The following TMEM232 variants were observed in gnomAD, a reference collection of about 807,000 sequenced individuals.
TMEM232 encodes transmembrane protein 232.
TMEM232 carries 80 observed loss-of-function variants against 78.8 expected under a neutral mutation model. The observed-to-expected ratio is 1.01, with a 90% CI of 0.85 to 1.22. TMEM232 has a LOEUF of 1.22. Ranked by LOEUF, TMEM232 falls within the 50% of genes most tolerant of loss-of-function variation. TMEM232 has a pLI of 0.00. For synonymous variants in TMEM232, 297 were observed against 254.3 expected, an observed-to-expected ratio of 1.17 and a Z score of -1.60; for missense variants, 881 against 742.2, an observed-to-expected ratio of 1.19 and a Z score of -2.17.
chr5:110,529,349 G>T (rs577439137), intron 11 of TMEM232, among the ~76,000 whole-genome samples: 2 of 151,966 alleles, frequency 1.3e-5, no homozygotes, highest in South Asian at 4.1e-4. Context: ...GGGTTCAACC[G>T]ATTCTCCTGC....
chr5:110,591,518 T>C (rs917765028), intron 10 of TMEM232, among the ~76,000 whole-genome samples: 7 of 152,176 alleles, frequency 4.6e-5, no homozygotes, highest in African/African-American at 1.7e-4. Flanking sequence ...TATAATAATA[T>C]TAAACTACAT....
intron 12 of TMEM232, among the ~76,000 whole-genome samples, chr5:110,464,212 G>T (rs557838054): frequency 6.6e-6 from 1 of 152,228 alleles, no homozygotes; most frequent in African/African-American, 2.4e-5. Flanking sequence ...AGAGGTGTCT[G>T]TTCTTTATCA....
chr5:110,553,891 T>C (rs571972637), intron 11 of TMEM232, among the ~76,000 whole-genome samples: 1 of 152,304 alleles, frequency 6.6e-6, no homozygotes, highest in East Asian at 1.9e-4. Flanking sequence ...TGTGCTTCAA[T>C]TCCTTGTTTG....
chr5:110,516,247 CA>C (rs914885805), intron 12 of TMEM232, among the ~76,000 whole-genome samples: 3 of 149,386 alleles, frequency 2.0e-5, no homozygotes, highest in African/African-American at 4.9e-5. Context: ...CCCCGCAGCC[CA>C]AAAAAAAAAT....
rs182833281 is a variant in TMEM232, at chr5:110,672,218, A to T, written c.-12-4854T>A. Among the ~76,000 whole-genome samples the T allele has an allele frequency of 8.4e-4, 128 of 152,276 alleles. 1 individual carries two copies. The highest frequency in any genetic ancestry group is 3.0e-3 in the African/African-American group (126 of 41,564). ...AGACTATTTTAAACATTATCTTTTA[A>T]TCACTGAACTTATTGTCCAAAGATT... On this transcript the variant is annotated intron_variant, in intron 1 of 13. Coordinates refer to ENST00000455884, the MANE Select transcript of TMEM232 (RefSeq NM_001039763.4).
intron 12 of TMEM232, among the ~76,000 whole-genome samples, chr5:110,497,974 G>A (rs1423056827): frequency 6.6e-6 from 1 of 152,080 alleles, no homozygotes; most frequent in Non-Finnish European, 1.5e-5. Flanking sequence ...GGTCGTACAA[G>A]ACAAAGTGGA....
chr5:110,647,097 G>A (rs898796805), intron 2 of TMEM232, among the ~76,000 whole-genome samples: 8 of 151,880 alleles, frequency 5.3e-5, no homozygotes, highest in African/African-American at 1.9e-4. Context: ...CTACACGAAA[G>A]TGCACTATCA....
rs1441317726 is a variant in TMEM232 at position 110,638,288 on chromosome 5, T to A, written c.411A>T (p.Leu137Phe). The A allele has an allele frequency of 4.5e-6, 7 of 1,550,924 alleles. No homozygotes were observed. The highest frequency in any genetic ancestry group is 6.1e-6 in the Non-Finnish European group (7 of 1,146,578). Residue 137 changes from leucine to phenylalanine, a missense_variant, in exon 5 of 14, where the codon TTA (leucine) becomes TTT (phenylalanine). Transcript: ENST00000455884. ...ATAAAACCGATTCCGCAACAAAAAA[T>A]AAGGCAGGCAGATGATCATAATCAA... ...ASFDYDHLPALFFVAESVLYR... is the reference protein window; with the variant it reads ...ASFDYDHLPAFFFVAESVLYR...
chr5:110,515,052 G>A (rs751541494), intron 12 of TMEM232, among the ~76,000 whole-genome samples: 13 of 152,212 alleles, frequency 8.5e-5, no homozygotes, highest in Admixed American at 2.0e-4. Context: ...GAACACAAGA[G>A]TCAGAATGCC....
chr5:110,605,197 T>C lies in TMEM232; in HGVS notation c.1188A>G (p.Leu396=), dbSNP rs1444510553. The C allele has an allele frequency of 2.6e-6, 4 of 1,550,976 alleles. No individual in the cohort carries two copies. In the African/African-American group the frequency reaches 5.5e-5, roughly 21 times the overall value. The change falls in exon 10 of 14, where the codon TTA becomes TTG. Residue 396 remains leucine, a synonymous_variant. Coordinates refer to ENST00000455884, the MANE Select transcript of TMEM232 (RefSeq NM_001039763.4). ...CHCKSSQKNI[L]YLDKSVPPEL... ...CTGGAGGTACTGATTTGTCCAAGTATAAAATATTTTTTTGTGAACTTTTAC... is the reference window on the plus strand; with the variant it reads ...CTGGAGGTACTGATTTGTCCAAGTACAAAATATTTTTTTGTGAACTTTTAC...
chr5:110,413,077 C>A (rs311715), intron 2 of TMEM232, among the ~76,000 whole-genome samples: 1 of 151,698 alleles, frequency 6.6e-6, no homozygotes, highest in South Asian at 2.1e-4. Flanking sequence ...GCTGTGAGGA[C>A]GTTGCCAAAG....
intron 11 of TMEM232, among the ~76,000 whole-genome samples, chr5:110,549,270 A>T (rs1774162102): frequency 6.6e-6 from 1 of 152,112 alleles, no homozygotes; most frequent in Non-Finnish European, 1.5e-5. Context: ...CTAATATCAC[A>T]TATGAAAAAA....
At position 110,494,796 on chromosome 5, in the gene TMEM232, C is replaced by T. The variant is rs546757947; in HGVS notation, c.1703+33792G>A. 6.4e-4 allele frequency among the ~76,000 whole-genome samples: 97 copies of T among 151,812 alleles called. No individual in the cohort carries two copies. The South Asian group carries it at 0.017, about 27-fold the overall frequency. On this transcript the variant is annotated intron_variant, in intron 12 of 13. Coordinates refer to ENST00000455884, the MANE Select transcript of TMEM232 (RefSeq NM_001039763.4). Reference sequence around the variant, plus strand: ...AATTTAATACTATAACTATGTATAACGTGGGAGAATACCTGAACCATAATA... The same window carrying T: ...AATTTAATACTATAACTATGTATAATGTGGGAGAATACCTGAACCATAATA...
chr5:110,664,476 A>G (rs1425304758), intron 2 of TMEM232, among the ~76,000 whole-genome samples: 3 of 152,258 alleles, frequency 2.0e-5, no homozygotes, highest in Non-Finnish European at 2.9e-5. Flanking sequence ...CAATTACTAT[A>G]GTTGAAAGCA....
chr5:110,388,412 G>A (rs1755059704), intron 4 of TMEM232, among the ~76,000 whole-genome samples: 1 of 152,134 alleles, frequency 6.6e-6, no homozygotes, highest in Non-Finnish European at 1.5e-5. Context: ...GCATTCGCCT[G>A]TACAAGCTTC....
chr5:110,417,550 A>G (rs1228089612), downstream of TMEM232: 1 of 151,974 alleles, frequency 6.6e-6, no homozygotes, highest in African/African-American at 2.4e-5. Flanking sequence ...AAAGTATAGT[A>G]AAGTTTATTT....
rs144952350 is a variant in TMEM232 at position 110,654,953 on chromosome 5, A to G, written c.125+12275T>C. On this transcript the variant is annotated intron_variant, in intron 2 of 13. Coordinates refer to ENST00000455884, the MANE Select transcript of TMEM232 (RefSeq NM_001039763.4). ...CTCACCTAAAAACCATAAAATCCCT[A>G]GAAGAAAACCTAGGCATTATGATTC... Among the ~76,000 whole-genome samples the G allele has an allele frequency of 4.7e-4, 72 of 152,326 alleles. 1 individual carries two copies. The East Asian group carries it at 0.014, about 29-fold the overall frequency.
intron 11 of TMEM232, among the ~76,000 whole-genome samples, chr5:110,563,494 A>G (rs1374446185): frequency 6.6e-6 from 1 of 151,896 alleles, no homozygotes; most frequent in African/African-American, 2.4e-5. Flanking sequence ...AGAGAGTAAT[A>G]CAAATAATTG....
chr5:110,680,095 G>A (rs144289058), intron 1 of TMEM232, among the ~76,000 whole-genome samples: 1 of 152,058 alleles, frequency 6.6e-6, no homozygotes, highest in Admixed American at 6.6e-5. Context: ...AGCTCCCCAG[G>A]TGAGTTTAAT....
Sources: allele counts gnomAD v4.1 joint callset (sites outside exome capture counted in the v4.1 genomes callset), GRCh38; gene constraint gnomAD v4.1.1; transcripts MANE v1.5; gene names NCBI Gene and HGNC (gene_info 2026-07-23, HGNC 2026-07-21).